RRAS2: variants seen among roughly 807,000 people sequenced by gnomAD.
The protein encoded by RRAS2 is RAS related 2, also known as ras-related protein R-Ras2.
RRAS2 carries 7 observed loss-of-function variants against 27.6 expected under a neutral mutation model. That is an observed-to-expected ratio of 0.25 (90% confidence interval 0.14 to 0.48). RRAS2 has a LOEUF of 0.48. Among genes scored for constraint, RRAS2 ranks in the 20% least tolerant of loss-of-function variants. The pLI is 0.99. For synonymous variants in RRAS2, 86 were observed against 90.9 expected (o/e 0.95, Z 0.31); for missense variants, 178 against 256.2 (o/e 0.69, Z 2.08).
At chr11:14,359,655 A>T (rs1186460825), upstream of RRAS2, among the ~76,000 whole-genome samples, 4 of 152,160 alleles carry the variant, frequency 2.6e-5, no homozygotes, top group African/African-American at 7.2e-5. Flanking sequence ...GAGCATGGAG[A>T]ATAAGTCAGT....
intron 1 of RRAS2, among the ~76,000 whole-genome samples, chr11:14,319,397 G>A (rs1214309332): frequency 8.1e-6 from 1 of 123,538 alleles, no homozygotes; most frequent in Non-Finnish European, 1.6e-5. Flanking sequence ...TGTCGCCCAG[G>A]CCGGACTGCG....
chr11:14,352,758 G>C (rs57439713), intron 1 of RRAS2, among the ~76,000 whole-genome samples: 2 of 106,442 alleles, frequency 1.9e-5, no homozygotes, highest in Non-Finnish European at 4.0e-5. Flanking sequence ...TATATATATA[G>C]AGAGAGAGAG....
In RRAS2 at chr11:14,338,092, CAGGAAAATAA is replaced by C. The variant is rs532693694; in HGVS notation, c.108+20661_108+20670del. 1.3e-4 allele frequency among the ~76,000 whole-genome samples: 19 copies of C among 151,974 alleles called. No individual in the cohort carries two copies. In the South Asian group the frequency reaches 4.0e-3, roughly 32 times the overall value. ...GAATATTTAAAAGTTATATTATAAA[CAGGAAAATAA>C]AGGGACATAAAGGTTTCCATACTTT... On this transcript the variant is annotated intron_variant, in intron 1 of 5. Coordinates refer to ENST00000256196, the MANE Select transcript of RRAS2 (RefSeq NM_012250.6).
chr11:14,327,116 AAACT>A (rs1848377337), intron 1 of RRAS2, among the ~76,000 whole-genome samples: 1 of 152,242 alleles, frequency 6.6e-6, no homozygotes, highest in African/African-American at 2.4e-5. Context: ...CTGCTGTGGA[AAACT>A]AAGTAGTCAC....
rs145516168 is a variant in RRAS2 at position 14,353,378 on chromosome 11, G to A, written c.108+5385C>T. Among the ~76,000 whole-genome samples, 341 of 152,186 alleles carry A rather than the reference G, an allele frequency of 2.2e-3. 1 individual carries two copies. The highest frequency in any genetic ancestry group is 7.8e-3 in the African/African-American group (322 of 41,524). On this transcript the variant is annotated intron_variant, in intron 1 of 5. Coordinates refer to ENST00000256196, the MANE Select transcript of RRAS2 (RefSeq NM_012250.6). ...AGGCGGGTGGATCACCTGAGGTCAG[G>A]AGTTCATGACCACCCTGGCCAACAT...
At chr11:14,300,086 G>A (rs1484827793) in intron 1 of RRAS2, among the ~76,000 whole-genome samples, 1 of 152,146 alleles carries the variant, frequency 6.6e-6, no homozygotes, top group Admixed American at 6.5e-5. Flanking sequence ...GACAGTAAAG[G>A]TTCAGGCAAG....
At chr11:14,364,208 T>C (rs148223307) in intron 1 of RRAS2, among the ~76,000 whole-genome samples, 1 of 152,330 alleles carries the variant, frequency 6.6e-6, no homozygotes, top group Non-Finnish European at 1.5e-5. Flanking sequence ...TCATAATCTT[T>C]ACAAACCAAT....
Position 14,288,682 on chromosome 11 carries a change from A to C in RRAS2, c.408+5789T>G, listed in dbSNP as rs79706579. Among the ~76,000 whole-genome samples, 28 of 152,348 alleles carry C rather than the reference A, an allele frequency of 1.8e-4. No individual in the cohort carries two copies. In the East Asian group the frequency reaches 5.2e-3, roughly 28 times the overall value. ...ATAACCAGGGCAAATCTGATGCAAC[A>C]AATTCACAGAACTACATTTGGAAGC... On this transcript the variant is annotated intron_variant, in intron 4 of 5. Transcript: ENST00000256196.
chr11:14,343,001 G>A (rs182176709), intron 1 of RRAS2, among the ~76,000 whole-genome samples: 9 of 152,280 alleles, frequency 5.9e-5, no homozygotes, highest in African/African-American at 2.2e-4. Context: ...ATTACAAGAG[G>A]TTCTGTTTTT....
intron 1 of RRAS2, among the ~76,000 whole-genome samples, chr11:14,344,883 T>A (rs782215202): frequency 6.6e-6 from 1 of 152,086 alleles, no homozygotes; most frequent in Non-Finnish European, 1.5e-5. Context: ...CAGCTCTTTC[T>A]CTTCTTCAGT....
intron 1 of RRAS2, among the ~76,000 whole-genome samples, chr11:14,340,201 C>T (rs1005425733): frequency 2.6e-5 from 4 of 151,010 alleles, no homozygotes; most frequent in Non-Finnish European, 4.4e-5. Flanking sequence ...AAGGTTCAAG[C>T]GATTTCTGCC....
intron 1 of RRAS2, among the ~76,000 whole-genome samples, chr11:14,332,935 A>G (rs1848510482): frequency 6.6e-6 from 1 of 152,226 alleles, no homozygotes; most frequent in Non-Finnish European, 1.5e-5. Context: ...TCAATTAGCA[A>G]ATTAATTTAC....
At chr11:14,306,294 T>A (rs1847828862) in intron 1 of RRAS2, among the ~76,000 whole-genome samples, 1 of 152,160 alleles carries the variant, frequency 6.6e-6, no homozygotes, top group Non-Finnish European at 1.5e-5. Context: ...AAATCCCTTA[T>A]CAGAAATATG....
intron 1 of RRAS2, among the ~76,000 whole-genome samples, chr11:14,314,433 A>ATGCAGAAATAAGAAG (rs1296958070): frequency 6.6e-6 from 1 of 152,226 alleles, no homozygotes; most frequent in Non-Finnish European, 1.5e-5. Context: ...GAAATAATAT[A>ATGCAGAAATAAGAAG]TGCAGAAATA....
intron 1 of RRAS2, among the ~76,000 whole-genome samples, chr11:14,349,271 C>T (rs898863739): frequency 6.6e-6 from 1 of 152,108 alleles, no homozygotes; most frequent in African/African-American, 2.4e-5. Context: ...CCTGCCTCAG[C>T]CTTCTGAGTA....
rs370045365 is a variant in RRAS2, at chr11:14,294,506, T to C, written c.373A>G (p.Ile125Val). The change falls in exon 4 of 6, where the codon ATT becomes GTT. Residue 125 changes from isoleucine (I) to valine (V), a missense_variant. Ile to Val is a conservative substitution (Grantham distance 29, BLOSUM62 3). Coordinates refer to ENST00000256196, the MANE Select transcript of RRAS2 (RefSeq NM_012250.6). ...TGATCCAGATCTGCTTTATTACCAA[T>C]TAAAATCATTGGGAACTCATCACGA... Reference protein sequence around the residue: ...KDRDEFPMILIGNKADLDHQR... With the variant: ...KDRDEFPMILVGNKADLDHQR... 12 of 1,600,016 alleles carry C rather than the reference T, an allele frequency of 7.5e-6. No individual in the cohort carries two copies. Among genetic ancestry groups the C allele is most frequent in the Non-Finnish European group, 1.0e-5 (12 of 1,174,324 alleles).
At chr11:14,281,579 C>T (rs1849537034) in intron 5 of RRAS2, 23 bp downstream of exon 5, 1 of 1,528,766 alleles carries the variant, frequency 6.5e-7, no homozygotes, top group Non-Finnish European at 8.9e-7. Flanking sequence ...TTAAAACACA[C>T]ATCTAGAATG....
At chr11:14,346,892 C>T (rs927826774) in intron 1 of RRAS2, among the ~76,000 whole-genome samples, 6 of 152,146 alleles carry the variant, frequency 3.9e-5, no homozygotes, top group Non-Finnish European at 7.3e-5. Context: ...CAGTGGTTCA[C>T]GCCTATAATA....
intron 1 of RRAS2, among the ~76,000 whole-genome samples, chr11:14,333,191 A>T (rs77337842): frequency 6.6e-6 from 1 of 152,116 alleles, no homozygotes; most frequent in African/African-American, 2.4e-5. Flanking sequence ...AGTCCACTAG[A>T]AAAAAGAGTT....
Sources: allele counts gnomAD v4.1 joint callset (sites outside exome capture counted in the v4.1 genomes callset), GRCh38; gene constraint gnomAD v4.1.1; transcripts MANE v1.5; gene names NCBI Gene and HGNC (gene_info 2026-07-23, HGNC 2026-07-21).